Variants in ATXN8OS observed in about 807,000 individuals in gnomAD.
ATXN8OS encodes the protein ATXN8 opposite strand (non-protein coding).
At chr13:70,147,483 C>T (rs1012021094) in intron 4 of ATXN8OS, among the ~76,000 whole-genome samples, 6 of 152,100 alleles carry the variant, frequency 3.9e-5, no homozygotes, top group African/African-American at 1.4e-4. Context: ...GTGTTTTCTT[C>T]ACTGCCAATC....
chr13:70,134,740 G>A (rs775638116), intron 3 of ATXN8OS, among the ~76,000 whole-genome samples: 1 of 152,154 alleles, frequency 6.6e-6, no homozygotes, highest in Non-Finnish European at 1.5e-5. Flanking sequence ...ATGGCTAGTG[G>A]CTGCCCTTGG....
chr13:70,166,519 AT>A (rs1889077657), intron 4 of ATXN8OS, among the ~76,000 whole-genome samples: 1 of 152,038 alleles, frequency 6.6e-6, no homozygotes, highest in Non-Finnish European at 1.5e-5. Flanking sequence ...TTAATTCAAG[AT>A]GGATTAAAGA....
intron 2 of ATXN8OS, among the ~76,000 whole-genome samples, chr13:70,116,368 A>G (rs1888278597): frequency 6.6e-6 from 1 of 152,132 alleles, no homozygotes; most frequent in South Asian, 2.1e-4. Context: ...AGCTCCACTG[A>G]TAAGGTGGTA....
intron 4 of ATXN8OS, among the ~76,000 whole-genome samples, chr13:70,169,154 ATAAT>A (rs1889113842): frequency 2.0e-5 from 3 of 152,212 alleles, no homozygotes; most frequent in African/African-American, 4.8e-5. Flanking sequence ...GGCTTGTTAC[ATAAT>A]TAATAGACAA....
chr13:70,161,115 C>T (rs1265913653), intron 4 of ATXN8OS, among the ~76,000 whole-genome samples: 1 of 150,370 alleles, frequency 6.7e-6, no homozygotes, highest in Non-Finnish European at 1.5e-5. Context: ...AGCCAGTAAA[C>T]TAAATACTGC....
intron 4 of ATXN8OS, among the ~76,000 whole-genome samples, chr13:70,155,247 T>G (rs892066602): frequency 2.6e-5 from 4 of 152,184 alleles, no homozygotes; most frequent in Admixed American, 6.5e-5. Context: ...ACATGTTCCT[T>G]GTGGTGGAAG....
chr13:70,137,703 C>A (rs779634278), intron 3 of ATXN8OS, among the ~76,000 whole-genome samples: 1 of 151,968 alleles, frequency 6.6e-6, no homozygotes, highest in Non-Finnish European at 1.5e-5. Context: ...TAATAAGGAC[C>A]CTGAGAATTA....
At chr13:70,127,168 T>G (rs1292866646) in intron 2 of ATXN8OS, among the ~76,000 whole-genome samples, 1 of 151,986 alleles carries the variant, frequency 6.6e-6, no homozygotes, top group Non-Finnish European at 1.5e-5. Context: ...ATAATTTATC[T>G]CATTTTTATG....
chr13:70,139,521 T>C, intron 3 of ATXN8OS: 1 of 505,020 alleles, frequency 2.0e-6, no homozygotes. Context: ...ATCTCTTACT[T>C]AAGAATTTAT....
chr13:70,171,608 C>A (rs1172260899), exon 5 of ATXN8OS, among the ~76,000 whole-genome samples: 1 of 152,068 alleles, frequency 6.6e-6, no homozygotes. Flanking sequence ...GGGAACTACC[C>A]TGGTATATGC....
intron 2 of ATXN8OS, among the ~76,000 whole-genome samples, chr13:70,119,716 T>G (rs61964562): frequency 0.066 from 10,022 of 152,158 alleles, 574 homozygotes; most frequent in East Asian, 0.32. Context: ...GTGAAAAATT[T>G]AGCACCTGAC....
At chr13:70,146,295 AAC>A (rs1427214567) in intron 3 of ATXN8OS, among the ~76,000 whole-genome samples, 1 of 145,704 alleles carries the variant, frequency 6.9e-6, no homozygotes, top group African/African-American at 2.6e-5. Context: ...GAGAAATAGG[AAC>A]AGTTTTACAC....
chr13:70,107,978 A>G lies in ATXN8OS; in HGVS notation n.199A>G, dbSNP rs371676592. ...GGCAGGACTGGGACGCCAAAAGCTG[A>G]GAATCCTCGATGCCCGCGCGAGAGC... On this transcript the variant is annotated non_coding_transcript_exon_variant, in exon 1 of 5. Transcript: ENST00000678624. The G allele has an allele frequency of 1.7e-4, 75 of 443,614 alleles. 1 individual carries two copies. Among genetic ancestry groups the G allele is most frequent in the East Asian group, 1.4e-3 (43 of 30,174 alleles). The allele number at this position is 443,614 out of a possible 1,614,324, so 27.5% of individuals were successfully genotyped here. A position where few individuals can be genotyped will look rare whatever the true frequency, so the allele number is the denominator to read the frequency against.
At chr13:70,156,829 C>T (rs1301888393) in intron 4 of ATXN8OS, among the ~76,000 whole-genome samples, 1 of 151,962 alleles carries the variant, frequency 6.6e-6, no homozygotes, top group African/African-American at 2.4e-5. Context: ...TACCAATAAG[C>T]TCTCTCTGCT....
chr13:70,156,986 C>G (rs1390079170), intron 4 of ATXN8OS, among the ~76,000 whole-genome samples: 1 of 152,020 alleles, frequency 6.6e-6, no homozygotes, highest in Admixed American at 6.6e-5. Flanking sequence ...AGTCTCAAAA[C>G]ACATTTTAAA....
intron 2 of ATXN8OS, among the ~76,000 whole-genome samples, chr13:70,116,292 C>A (rs895861904): frequency 6.6e-6 from 1 of 151,930 alleles, no homozygotes; most frequent in Non-Finnish European, 1.5e-5. Context: ...GATAAATAAA[C>A]CATGGAAGAA....
chr13:70,110,429 C>T (rs7985131), intron 1 of ATXN8OS, among the ~76,000 whole-genome samples: 132,747 of 151,948 alleles, frequency 0.87, 58,185 homozygotes, highest in East Asian at 1. Context: ...ACTGAAATGA[C>T]TGACAAAGAT....
chr13:70,140,389 C>G (rs1185361056), intron 3 of ATXN8OS, among the ~76,000 whole-genome samples: 1 of 152,024 alleles, frequency 6.6e-6, no homozygotes, highest in African/African-American at 2.4e-5. Context: ...GTGAGCCTAT[C>G]TGTATCTTAA....
At chr13:70,150,612 T>C (rs1021804029) in intron 4 of ATXN8OS, among the ~76,000 whole-genome samples, 6 of 152,192 alleles carry the variant, frequency 3.9e-5, no homozygotes, top group African/African-American at 1.4e-4. Flanking sequence ...TCTCTCTAGA[T>C]TGACTTTGGC....
Sources: allele counts gnomAD v4.1 joint callset (sites outside exome capture counted in the v4.1 genomes callset), GRCh38; gene constraint gnomAD v4.1.1; transcripts MANE v1.5; gene names NCBI Gene and HGNC (gene_info 2026-07-23, HGNC 2026-07-21).